NXN: variants seen among roughly 807,000 people sequenced by gnomAD.
NXN encodes the protein nucleoredoxin 1.
NXN carries 16 observed loss-of-function variants against 48.6 expected under a neutral mutation model. The observed-to-expected ratio is 0.33, with a 90% CI of 0.22 to 0.50. NXN has a LOEUF of 0.50. Among genes scored for constraint, NXN ranks in the 20% least tolerant of loss-of-function variants. The probability of loss-of-function intolerance (pLI) is 0.98; values close to 1 mark genes in which losing one functional copy is unlikely to be tolerated. For missense variants in NXN, 492 were observed against 605.5 expected, an observed-to-expected ratio of 0.81 and a Z score of 1.97; for synonymous variants, 281 against 269.6, an observed-to-expected ratio of 1.04 and a Z score of -0.41.
intron 1 of NXN, among the ~76,000 whole-genome samples, chr17:879,120 G>T (rs576769532): frequency 1.3e-5 from 2 of 151,836 alleles, no homozygotes; most frequent in African/African-American, 4.8e-5. Flanking sequence ...AGCCAAGATC[G>T]CGCCATTGCA....
At position 920,868 on chromosome 17, in the gene NXN, G is replaced by A. The variant is rs1421829210; in HGVS notation, c.360+58451C>T. Among the ~76,000 whole-genome samples the A allele has an allele frequency of 4.0e-5, 6 of 151,842 alleles. No individual in the cohort carries two copies. The highest frequency in any genetic ancestry group is 2.1e-4 in the South Asian group (1 of 4,806). ...CTCCCGAGTAGTTGGGATTACAGGC[G>A]CCCGCCACCATGTCCGGCTAATTTT... On this transcript the variant is annotated intron_variant, in intron 1 of 7. Transcript: ENST00000336868. This position sits in a 1 kb window ranked among gnomAD's most constrained non-coding sequence, Gnocchi z 4.6.
intron 1 of NXN, among the ~76,000 whole-genome samples, chr17:964,433 C>T (rs1173676775): frequency 2.0e-5 from 3 of 152,230 alleles, no homozygotes; most frequent in South Asian, 2.1e-4. Context: ...CAAATTAATA[C>T]TTTCCGCAAA....
chr17:819,426 C>G lies in NXN; in HGVS notation c.820+13G>C, dbSNP rs1211458769. 5.0e-6 allele frequency: 8 copies of G among 1,609,720 alleles called. No homozygotes were observed. In the South Asian group the frequency reaches 8.8e-5, roughly 18 times the overall value. On this transcript the variant is annotated intron_variant, in intron 5 of 7. Transcript: ENST00000336868. ...TCCAGGAGCCACACGGAGCCGGGGCCTGGAGCGCCTACCTTGGATTCCGTA... is the reference window on the plus strand; with the variant it reads ...TCCAGGAGCCACACGGAGCCGGGGCGTGGAGCGCCTACCTTGGATTCCGTA...
intron 5 of NXN, among the ~76,000 whole-genome samples, chr17:810,365 G>C (rs982763713): frequency 1.3e-5 from 2 of 152,256 alleles, no homozygotes; most frequent in Non-Finnish European, 1.5e-5. Context: ...GTCCGTGTGA[G>C]TTGCTGCTGA....
intron 1 of NXN, among the ~76,000 whole-genome samples, chr17:891,718 AACCTAAGCTAACCCCACCATGCACAG>A (rs2068418897): frequency 2.2e-5 from 2 of 92,292 alleles, no homozygotes; most frequent in African/African-American, 4.0e-5. Context: ...CCCAACAGGG[AACCTAAGCTAACCCCACCATGCACAG>A]CCCATCAGGG....
chr17:868,934 T>A (rs562671684), intron 1 of NXN, among the ~76,000 whole-genome samples: 1 of 152,114 alleles, frequency 6.6e-6, no homozygotes, highest in Non-Finnish European at 1.5e-5. Flanking sequence ...ACCTCGGAAA[T>A]CCCTGCAGCC....
chr17:946,167 G>A (rs1456911973), intron 1 of NXN, among the ~76,000 whole-genome samples: 1 of 149,994 alleles, frequency 6.7e-6, no homozygotes, highest in Admixed American at 6.7e-5. Flanking sequence ...ATGGAGTCTC[G>A]CTCTGTTGCC....
In NXN at chr17:849,946, C is replaced by T. The variant is rs998616348; in HGVS notation, c.361-23868G>A. ...CGAGAGCGACCTGCTCCTGAAACCC[C>T]AGGCTGGTCCCTCCGCATCCCAGCT... On this transcript the variant is annotated intron_variant, in intron 1 of 7. Coordinates refer to ENST00000336868, the MANE Select transcript of NXN (RefSeq NM_022463.5). The surrounding 1 kb of genome is among the most constrained non-coding windows in gnomAD (Gnocchi z 4.2). 1.3e-5 allele frequency among the ~76,000 whole-genome samples: 2 copies of T among 152,054 alleles called. No individual in the cohort carries two copies. Among genetic ancestry groups the T allele is most frequent in the African/African-American group, 4.8e-5 (2 of 41,400 alleles).
At chr17:868,693 C>T (rs1487777370) in intron 1 of NXN, among the ~76,000 whole-genome samples, 2 of 152,102 alleles carry the variant, frequency 1.3e-5, no homozygotes, top group East Asian at 1.9e-4. Context: ...GGGGTTTCAC[C>T]ACGTTAGCCA....
At chr17:815,401 A>G (rs1261535969) in intron 5 of NXN, among the ~76,000 whole-genome samples, 1 of 151,412 alleles carries the variant, frequency 6.6e-6, no homozygotes, top group African/African-American at 2.4e-5. Context: ...GCTGACACCC[A>G]TCCGTACGAT....
chr17:936,159 C>G (rs1041696181), intron 1 of NXN, among the ~76,000 whole-genome samples: 5 of 150,812 alleles, frequency 3.3e-5, no homozygotes, highest in African/African-American at 1.2e-4. Context: ...CAAAAGATGG[C>G]TGGAGTGTGT....
At chr17:853,725 T>TA (rs1244981485) in intron 1 of NXN, among the ~76,000 whole-genome samples, 1,161 of 85,756 alleles carry the variant, frequency 0.014, 10 homozygotes, top group East Asian at 0.037. Flanking sequence ...ATATATATAT[T>TA]TTTTTTTTTT....
intron 1 of NXN, among the ~76,000 whole-genome samples, chr17:884,296 T>C (rs925948359): frequency 4.0e-5 from 6 of 151,528 alleles, no homozygotes; most frequent in South Asian, 2.1e-4. Flanking sequence ...TCCTAGCTAC[T>C]TGGGGGGCTG....
In NXN at chr17:917,161, C is replaced by CT. The variant is rs397961779; in HGVS notation, c.360+62157dup. ...AGGTGTTCCACGCCTGAGCTCACAT[C>CT]TTTTTTTTTTTTTTCTGTAGCCCAG... On this transcript the variant is annotated intron_variant, in intron 1 of 7. Coordinates refer to ENST00000336868, the MANE Select transcript of NXN (RefSeq NM_022463.5). This position sits in a 1 kb window ranked among gnomAD's most constrained non-coding sequence, Gnocchi z 4.5. Among the ~76,000 whole-genome samples, 8,069 of 144,994 alleles carry CT rather than the reference C, an allele frequency of 0.056. 625 individuals carry two copies. The highest frequency in any genetic ancestry group is 0.17 in the African/African-American group (6,870 of 40,042).
At chr17:877,921 G>A (rs1222416039) in intron 1 of NXN, 2 of 152,234 alleles carry the variant, frequency 1.3e-5, no homozygotes, top group Admixed American at 6.5e-5. Context: ...AAGGCTGCTA[G>A]GAGGGCCACG....
rs112852369 is a variant in NXN at position 840,343 on chromosome 17, C to CTTT, written c.361-14268_361-14266dup. Among the ~76,000 whole-genome samples, 236 of 147,448 alleles carry CTTT rather than the reference C, an allele frequency of 1.6e-3. 2 individuals carry two copies. In the South Asian group the frequency reaches 0.018, roughly 11 times the overall value. On this transcript the variant is annotated intron_variant, in intron 1 of 7. Transcript: ENST00000336868. ...CTCTCAGCCTGGTGTGCAGAGACTT[C>CTTT]TTTTTTTTTTTCTTGAGACGGAGTC...
chr17:939,178 C>T (rs2068941763), intron 1 of NXN, among the ~76,000 whole-genome samples: 1 of 152,060 alleles, frequency 6.6e-6, no homozygotes, highest in South Asian at 2.1e-4. Flanking sequence ...AAGATGTGCA[C>T]AGAGAAGAAT....
At chr17:940,290 C>T (rs1490909085) in intron 1 of NXN, among the ~76,000 whole-genome samples, 14 of 148,530 alleles carry the variant, frequency 9.4e-5, no homozygotes, top group African/African-American at 1.5e-4. Flanking sequence ...TATAGGGTTT[C>T]GCTATGTTGC....
chr17:908,458 C>A (rs962788735), intron 1 of NXN, among the ~76,000 whole-genome samples: 6 of 152,142 alleles, frequency 3.9e-5, no homozygotes, highest in Admixed American at 1.3e-4. Flanking sequence ...ATCCCTTGAA[C>A]CTGGGAGGTG....
Sources: allele counts gnomAD v4.1 joint callset (sites outside exome capture counted in the v4.1 genomes callset), GRCh38; gene constraint gnomAD v4.1.1; non-coding constraint Gnocchi (gnomAD v3.1); transcripts MANE v1.5; gene names NCBI Gene and HGNC (gene_info 2026-07-23, HGNC 2026-07-21).